The following PAM variants were observed in gnomAD, a reference collection of about 807,000 sequenced individuals.
PAM encodes peptidylglycine alpha-amidating monooxygenase.
Under a neutral mutation model 122.1 loss-of-function variants are expected in PAM, and 72 were observed. The observed-to-expected ratio is 0.59, with a 90% CI of 0.49 to 0.72. The LOEUF (loss-of-function observed/expected upper bound fraction) is 0.72. Ranked by LOEUF, PAM falls within the 30% of genes least tolerant of loss-of-function variation. PAM has a pLI of 0.00. For missense variants in PAM, 1,106 were observed against 1,183.7 expected, an observed-to-expected ratio of 0.93 and a Z score of 0.96; for synonymous variants, 389 against 404.4, an observed-to-expected ratio of 0.96 and a Z score of 0.46.
At chr5:102,870,468 G>A (rs1787053769) in intron 3 of PAM, among the ~76,000 whole-genome samples, 1 of 152,112 alleles carries the variant, frequency 6.6e-6, no homozygotes, top group South Asian at 2.1e-4. Flanking sequence ...AGTCATGTCA[G>A]GCCTCTGAGT....
At chr5:102,845,270 G>A (rs1026686505) in intron 1 of PAM, among the ~76,000 whole-genome samples, 2 of 152,200 alleles carry the variant, frequency 1.3e-5, no homozygotes, top group East Asian at 1.9e-4. Flanking sequence ...CAAAGAAAGC[G>A]TTGTCAGGCT....
At position 103,007,647 on chromosome 5, in the gene PAM, A is replaced by G. The variant is rs140097535; in HGVS notation, c.2205A>G (p.Ser735=). Residue 735 remains serine, a synonymous_variant, in exon 20 of 26, where the codon TCA becomes TCG. Coordinates refer to ENST00000438793, the MANE Select transcript of PAM (RefSeq NM_001177306.2). ...SSFGRNVFAI[S]YIPGLLFAVN... ...TTGGAAGAAATGTATTTGCAATTTC[A>G]TATATACCAGGTATTTCATCTTAAT... 37 of 1,581,394 alleles carry G rather than the reference A, an allele frequency of 2.3e-5. 1 individual carries two copies. The African/African-American group carries it at 4.7e-4, about 20-fold the overall frequency.
At chr5:103,004,607 ATC>A (rs1778395776) in intron 17 of PAM, among the ~76,000 whole-genome samples, 1 of 152,192 alleles carries the variant, frequency 6.6e-6, no homozygotes, top group South Asian at 2.1e-4. Context: ...TCTAATGTTT[ATC>A]TAGCTCACTA....
intron 1 of PAM, among the ~76,000 whole-genome samples, chr5:102,822,810 G>A (rs1345391742): frequency 2.0e-5 from 3 of 151,984 alleles, no homozygotes; most frequent in Admixed American, 2.0e-4. Flanking sequence ...GGAGATCCTG[G>A]GTGAGGAAGC....
chr5:102,811,270 G>C (rs774650227), intron 1 of PAM, among the ~76,000 whole-genome samples: 3 of 152,204 alleles, frequency 2.0e-5, no homozygotes, highest in Admixed American at 2.0e-4. Context: ...TCACTGCACT[G>C]AAACATCAAG....
chr5:103,022,355 T>C (rs1783801890), intron 23 of PAM, among the ~76,000 whole-genome samples: 3 of 152,068 alleles, frequency 2.0e-5, no homozygotes, highest in Admixed American at 2.0e-4. Context: ...TGGGATACAA[T>C]TGCTGTATTA....
intron 15 of PAM, among the ~76,000 whole-genome samples, chr5:102,987,792 C>T (rs577910340): frequency 1.3e-5 from 2 of 152,254 alleles, no homozygotes; most frequent in East Asian, 3.9e-4. Context: ...CATTCACATC[C>T]ACTTCTATAC....
chr5:102,978,221 AGT>A (rs551738914), intron 15 of PAM, among the ~76,000 whole-genome samples: 2 of 152,198 alleles, frequency 1.3e-5, no homozygotes, highest in Non-Finnish European at 2.9e-5. Context: ...GTGACTTGGC[AGT>A]GTTTTATCAC....
chr5:102,825,434 C>T (rs971577859), intron 1 of PAM, among the ~76,000 whole-genome samples: 5 of 152,136 alleles, frequency 3.3e-5, no homozygotes, highest in Admixed American at 2.6e-4. Flanking sequence ...TTAGAGGGAA[C>T]CCGGTTGCTT....
chr5:102,982,416 C>T (rs190617385), intron 15 of PAM, among the ~76,000 whole-genome samples: 73 of 152,312 alleles, frequency 4.8e-4, no homozygotes, highest in Non-Finnish European at 8.5e-4. Context: ...ACTGCCAGAA[C>T]CTGAGTAAGC....
At chr5:103,025,024 C>A in intron 23 of PAM, 107 bp from the exon 24 acceptor site, 1 of 746,724 alleles carries the variant, frequency 1.3e-6, no homozygotes, top group Non-Finnish European at 2.2e-6. Flanking sequence ...ACACTGGAGT[C>A]AACAAGTTCT....
At chr5:102,877,026 G>C (rs191946089) in intron 3 of PAM, among the ~76,000 whole-genome samples, 43 of 152,294 alleles carry the variant, frequency 2.8e-4, no homozygotes, top group East Asian at 2.1e-3. Flanking sequence ...GTTTAGTCAA[G>C]GAGATAATAT....
intron 1 of PAM, among the ~76,000 whole-genome samples, chr5:102,840,628 G>A (rs1778318993): frequency 1.3e-5 from 2 of 152,126 alleles, no homozygotes; most frequent in Admixed American, 6.6e-5. Context: ...AAAGAATTCT[G>A]AAGATAAGGT....
intron 18 of PAM, among the ~76,000 whole-genome samples, chr5:103,006,388 C>T (rs1040221667): frequency 6.6e-6 from 1 of 151,912 alleles, no homozygotes; most frequent in Non-Finnish European, 1.5e-5. Context: ...TTATATCAAG[C>T]GTAATATGCT....
At chr5:103,006,749 A>T in intron 18 of PAM, 52 bp from the exon 19 acceptor site, 2 of 1,287,152 alleles carry the variant, frequency 1.6e-6, no homozygotes, top group Non-Finnish European at 2.2e-6. Context: ...TGTGGGTGTA[A>T]GTCACTAATA....
At chr5:102,824,169 G>C (rs1445784179) in intron 1 of PAM, among the ~76,000 whole-genome samples, 1 of 152,092 alleles carries the variant, frequency 6.6e-6, no homozygotes, top group Non-Finnish European at 1.5e-5. Context: ...AAGAGCTATT[G>C]CAAGAAAAAG....
intron 5 of PAM, among the ~76,000 whole-genome samples, chr5:102,918,257 C>G (rs1434218808): frequency 6.6e-6 from 1 of 152,064 alleles, no homozygotes; most frequent in Non-Finnish European, 1.5e-5. Context: ...ATCTAGGGAC[C>G]AAAAGAAAAT....
At chr5:102,931,300 C>T (rs547814391) in intron 7 of PAM, among the ~76,000 whole-genome samples, 2 of 152,246 alleles carry the variant, frequency 1.3e-5, no homozygotes, top group South Asian at 2.1e-4. Context: ...AGCTGTGTTT[C>T]GTGTTCTCCA....
rs186632214 is a variant in PAM, at chr5:103,007,562, G to A, written c.2120G>A (p.Arg707Gln). ...TGTGTGGCAGACCGGGAAAATGGTC[G>A]GATCCAGTGTTTTAAAACTGACACC... The part of the protein sequence containing the change: ...QLCVADRENG[R>Q]IQCFKTDTKE... Residue 707 changes from arginine to glutamine, a missense_variant, in exon 20 of 26, where the codon CGG becomes CAG. Arg to Gln is a conservative substitution (Grantham distance 43). Around this residue, in one of 3 missense-constraint regions of PAM, gnomAD observed 333 missense variants for 335.6 expected, o/e 0.99. Transcript: ENST00000438793. 7.0e-5 allele frequency: 113 copies of A among 1,613,600 alleles called. 1 individual carries two copies. The highest frequency in any genetic ancestry group is 2.7e-4 in the East Asian group (12 of 44,862).
Sources: gnomAD v4.1 joint callset for allele counts (sites outside exome capture counted in the v4.1 genomes callset) on GRCh38, gnomAD v4.1.1 for gene constraint, gnomAD v4.1.1 regional missense constraint, MANE v1.5 for transcripts, NCBI Gene and HGNC (gene_info 2026-07-23, HGNC 2026-07-21) for gene names.